The following TLE1 variants were observed in gnomAD, a reference collection of about 807,000 sequenced individuals.
The protein encoded by TLE1 is TLE family member 1, transcriptional corepressor, also known as transducin-like enhancer protein 1.
TLE1 carries 21 observed loss-of-function variants against 89.8 expected under a neutral mutation model. The ratio of observed to expected loss-of-function variants is 0.23; its 90% CI spans 0.17 to 0.34. The LOEUF (loss-of-function observed/expected upper bound fraction) is 0.34, where lower values mean the gene tolerates loss of function less well. TLE1 is among the 10% of genes least tolerant of loss of function. TLE1 has a pLI of 1.00. For synonymous variants in TLE1, 447 were observed against 407.6 expected (o/e 1.10, Z -1.16); for missense variants, 795 against 1,031.2 (o/e 0.77, Z 3.14).
chr9:81,642,425 G>A (rs1174708311), intron 6 of TLE1, among the ~76,000 whole-genome samples: 1 of 152,080 alleles, frequency 6.6e-6, no homozygotes, highest in Non-Finnish European at 1.5e-5. Context: ...GGGCACAGTG[G>A]CTCATGCCTG....
rs1017166550 is a variant in TLE1 at position 81,688,613 on chromosome 9, G to A, written c.-373C>T. Reference sequence around the variant, plus strand: ...TGACTCCGACCGCACTCCCCTCGGCGATCCGCGTGCGCGGCGCCAGTCCTG... The same window carrying A: ...TGACTCCGACCGCACTCCCCTCGGCAATCCGCGTGCGCGGCGCCAGTCCTG... On this transcript the variant is annotated 5_prime_UTR_variant, in exon 1 of 20. Coordinates refer to ENST00000376499, the MANE Select transcript of TLE1 (RefSeq NM_005077.5). The A allele has an allele frequency of 5.5e-5, 13 of 237,318 alleles. No individual in the cohort carries two copies. The highest frequency in any genetic ancestry group is 1.0e-4 in the Non-Finnish European group (13 of 124,378). 14.7% of individuals were successfully genotyped at this position (237,318 alleles called of 1,614,324 possible).
rs947658676 is a variant in TLE1 at position 81,599,959 on chromosome 9, T to C, written c.1332-6685A>G. ...TTAAAATGGATATGTAAAAGAAGAT[T>C]ACAAGCAAAGAAAACAAGAAACAGA... On this transcript the variant is annotated intron_variant, in intron 14 of 19. Transcript: ENST00000376499. 13 of 557,496 alleles carry C rather than the reference T, an allele frequency of 2.3e-5. No individual in the cohort carries two copies. In the African/African-American group the frequency reaches 2.4e-4, roughly 10 times the overall value. The allele number at this position is 557,496 out of a possible 1,614,324, so 34.5% of individuals were successfully genotyped here.
chr9:81,640,970 T>C (rs1204951122), intron 6 of TLE1, among the ~76,000 whole-genome samples: 2 of 152,162 alleles, frequency 1.3e-5, no homozygotes, highest in African/African-American at 4.8e-5. Flanking sequence ...AACTATGTCA[T>C]AAAAATCACA....
Position 81,593,058 on chromosome 9 carries a change from G to A in TLE1, c.1548C>T (p.Gly516=), listed in dbSNP as rs1430492428. ...CGAGCTGGGAGACAGGGCTCTTATT[G>A]CCAGGGTGGCTGATGTCCCAGACCT... ...CVKVWDISHP[G]NKSPVSQLDC... Residue 516 remains glycine, a synonymous_variant, in exon 15 of 20, where the codon GGC becomes GGT. Coordinates refer to ENST00000376499, the MANE Select transcript of TLE1 (RefSeq NM_005077.5). 1 of 1,613,854 alleles carries A rather than the reference G, an allele frequency of 6.2e-7. No individual in the cohort carries two copies. The highest frequency in any genetic ancestry group is 1.7e-5 in the Admixed American group (1 of 60,004).
intron 14 of TLE1, 84 bp from the exon 15 acceptor site, chr9:81,593,358 G>C: frequency 7.0e-7 from 1 of 1,424,958 alleles, no homozygotes; most frequent in Non-Finnish European, 9.3e-7. Context: ...CTACGACTAT[G>C]AAAAAGATGA....
In TLE1 at chr9:81,611,959, GC is replaced by G. The variant is rs1449960556; in HGVS notation, c.1064-1del. 3 of 1,441,778 alleles carry G rather than the reference GC, an allele frequency of 2.1e-6. No individual in the cohort carries two copies. Among genetic ancestry groups the G allele is most frequent in the Non-Finnish European group, 2.7e-6 (3 of 1,095,864 alleles). 89.3% of individuals were successfully genotyped at this position (1,441,778 alleles called of 1,614,324 possible). A position where few individuals can be genotyped will look rare whatever the true frequency, so the allele number is the denominator to read the frequency against. ...TGCCAGGGGTGTCCTCAAGCCAGCT[GC>G]TGAAAGGAAACACAAGCCGCACATC... is the stretch of plus-strand genomic sequence containing the variant. On this transcript the variant is annotated splice_acceptor_variant, in intron 12 of 19. Transcript: ENST00000376499. LOFTEE classifies it high-confidence loss of function.
intron 4 of TLE1, among the ~76,000 whole-genome samples, chr9:81,657,920 T>C (rs911243974): frequency 2.7e-5 from 4 of 149,202 alleles, no homozygotes; most frequent in African/African-American, 7.4e-5. Flanking sequence ...TTTTTTTTTT[T>C]TTTTTTTAAG....
chr9:81,686,427 C>A (rs1834287033), intron 2 of TLE1, among the ~76,000 whole-genome samples: 1 of 152,182 alleles, frequency 6.6e-6, no homozygotes, highest in Non-Finnish European at 1.5e-5. Context: ...GTTCTCCCTG[C>A]TGGGTAAACA....
intron 14 of TLE1, among the ~76,000 whole-genome samples, chr9:81,595,921 G>A (rs1270761179): frequency 1.3e-5 from 2 of 152,238 alleles, no homozygotes; most frequent in South Asian, 4.2e-4. Context: ...AGATCTCGGT[G>A]CCATGAGAGA....
At chr9:81,682,521 G>C (rs1833757950) in intron 4 of TLE1, among the ~76,000 whole-genome samples, 1 of 152,194 alleles carries the variant, frequency 6.6e-6, no homozygotes, top group Admixed American at 6.5e-5. Context: ...ATGCTGAAAA[G>C]ATAACATGAG....
intron 4 of TLE1, among the ~76,000 whole-genome samples, chr9:81,665,164 G>T (rs1475512734): frequency 6.6e-6 from 1 of 152,174 alleles, no homozygotes; most frequent in Non-Finnish European, 1.5e-5. Context: ...AAACACTGAG[G>T]CAAGAACACA....
At chr9:81,685,324 A>T (rs1055309274) in intron 4 of TLE1, among the ~76,000 whole-genome samples, 1 of 152,202 alleles carries the variant, frequency 6.6e-6, no homozygotes, top group Non-Finnish European at 1.5e-5. Flanking sequence ...AACAGCACAA[A>T]AACATTAACT....
intron 6 of TLE1, among the ~76,000 whole-genome samples, chr9:81,634,638 C>T (rs1827146962): frequency 6.6e-6 from 1 of 152,130 alleles, no homozygotes; most frequent in Admixed American, 6.5e-5. Context: ...CTGGCTACAT[C>T]AGTAAGTAAA....
Position 81,620,545 on chromosome 9 carries a change from G to C in TLE1, c.607C>G (p.Leu203Val). ...GTGCCTCTTAGACTGTCTGGGACCA[G>C]GAGGGAATTACTCTGCAAGACAAAA... ...DREPGTSNSL[L>V]VPDSLRGTDK... The change falls in exon 9 of 20, where the codon CTG (leucine) becomes GTG (valine). Residue 203 changes from leucine to valine, a missense_variant. By Grantham distance (32) the Leu-to-Val change is conservative. Around this residue, in one of 4 missense-constraint regions of TLE1, gnomAD observed 468 missense variants for 509.1 expected, o/e 0.92. Coordinates refer to ENST00000376499, the MANE Select transcript of TLE1 (RefSeq NM_005077.5). 6.2e-7 allele frequency: 1 copy of C among 1,611,030 alleles called. No homozygotes were observed. The highest frequency in any genetic ancestry group is 8.5e-7 in the Non-Finnish European group (1 of 1,179,280).
chr9:81,666,018 G>C (rs1831419201), intron 4 of TLE1, among the ~76,000 whole-genome samples: 2 of 152,082 alleles, frequency 1.3e-5, no homozygotes, highest in Admixed American at 6.5e-5. Context: ...GCTTTAATTT[G>C]TCATTTTGGT....
intron 4 of TLE1, among the ~76,000 whole-genome samples, chr9:81,666,674 C>T (rs917082787): frequency 6.6e-6 from 1 of 151,870 alleles, no homozygotes; most frequent in African/African-American, 2.4e-5. Context: ...ACTCAGGGGG[C>T]TGAGGCAGGA....
chr9:81,616,245 G>C, intron 10 of TLE1, 111 bp from the exon 11 acceptor site: 1 of 1,391,748 alleles, frequency 7.2e-7, no homozygotes, highest in Non-Finnish European at 9.8e-7. Flanking sequence ...CCTTCGGGTT[G>C]GGGTTGTACA....
intron 4 of TLE1, among the ~76,000 whole-genome samples, chr9:81,656,301 T>A (rs540721716): frequency 3.9e-5 from 6 of 152,298 alleles, no homozygotes; most frequent in African/African-American, 1.4e-4. Context: ...ACTGTCTATT[T>A]GAGTGCATGT....
At chr9:81,631,451 A>G (rs1232999653) in intron 8 of TLE1, among the ~76,000 whole-genome samples, 1 of 152,224 alleles carries the variant, frequency 6.6e-6, no homozygotes, top group African/African-American at 2.4e-5. Flanking sequence ...TTCTGATACC[A>G]GTAAGTTATA....
Sources: allele counts gnomAD v4.1 joint callset (sites outside exome capture counted in the v4.1 genomes callset), GRCh38; gene constraint gnomAD v4.1.1; regional missense constraint gnomAD v4.1.1; transcripts MANE v1.5; gene names NCBI Gene and HGNC (gene_info 2026-07-23, HGNC 2026-07-21).